The following VCPIP1 variants were observed in gnomAD, a reference collection of about 807,000 sequenced individuals.
The protein encoded by VCPIP1 is valosin containing protein interacting protein 1, also known as deubiquitinating protein VCPIP1.
VCPIP1 carries 8 observed loss-of-function variants against 85.0 expected under a neutral mutation model. That is an observed-to-expected ratio of 0.09 (90% CI 0.06 to 0.17). VCPIP1 has a LOEUF of 0.17. VCPIP1 is among the 10% of genes least tolerant of loss of function. The pLI is 1.00. For synonymous variants in VCPIP1, 543 were observed against 544.5 expected, an observed-to-expected ratio of 1.00 and a Z score of 0.04; for missense variants, 1,070 against 1,486.3, an observed-to-expected ratio of 0.72 and a Z score of 4.61.
Position 66,665,876 on chromosome 8 carries a change from T to G in VCPIP1, c.1083A>C (p.Ile361=). ...GRNHYIPLVG[I]KGAALPKLPM... ...GCAGTTTGGGCAAAGCAGCCCCTTT[T>G]ATGCCTACCAAGGGGATATAATGGT... Residue 361 remains isoleucine, a synonymous_variant, in exon 1 of 3, where the codon ATA becomes ATC. Transcript: ENST00000310421. The surrounding 1 kb of genome is among the most constrained non-coding windows in gnomAD (Gnocchi z 4.3). 1 of 1,614,196 alleles carries G rather than the reference T, an allele frequency of 6.2e-7. No homozygotes were observed. Among genetic ancestry groups the G allele is most frequent in the Middle Eastern group, 1.6e-4 (1 of 6,062 alleles).
chr8:66,644,317 A>G (rs191862825), intron 2 of VCPIP1, among the ~76,000 whole-genome samples: 32 of 152,340 alleles, frequency 2.1e-4, no homozygotes, highest in African/African-American at 7.5e-4. Flanking sequence ...CCTGAACACA[A>G]TCACAAAAAC....
intron 2 of VCPIP1, among the ~76,000 whole-genome samples, chr8:66,638,970 C>CTCTATATATATATATATATATATATATA: frequency 8.4e-6 from 1 of 118,440 alleles, no homozygotes; most frequent in South Asian, 2.8e-4. Context: ...CTCTCTCTCT[C>CTCTATATATATATATATATATATATATA]TATATATATA....
intron 1 of VCPIP1, among the ~76,000 whole-genome samples, chr8:66,662,175 C>T (rs139019154): frequency 1.0e-3 from 153 of 152,214 alleles, no homozygotes; most frequent in African/African-American, 3.3e-3. Flanking sequence ...TGCACTGTCA[C>T]CTGTACATCA....
At position 66,665,027 on chromosome 8, in the gene VCPIP1, A is replaced by C; in HGVS notation, c.1932T>G (p.Val644=). ...FPGEFGSEIL[V]QKVVHTILHQ... is the part of the protein sequence containing the mutation. ...GCAATATAGTGTGGACAACTTTCTG[A>C]ACTAGGATTTCACTCCCAAATTCAC... The change falls in exon 1 of 3, where the codon GTT becomes GTG. Residue 644 remains valine, a synonymous_variant. Transcript: ENST00000310421. The surrounding 1 kb of genome is among the most constrained non-coding windows in gnomAD (Gnocchi z 4.3). 1 of 1,613,886 alleles carries C rather than the reference A, an allele frequency of 6.2e-7. No individual in the cohort carries two copies. The highest frequency in any genetic ancestry group is 8.5e-7 in the Non-Finnish European group (1 of 1,179,844).
At chr8:66,636,461 T>C (rs944458645) in intron 2 of VCPIP1, among the ~76,000 whole-genome samples, 5 of 151,706 alleles carry the variant, frequency 3.3e-5, no homozygotes, top group African/African-American at 1.2e-4. Flanking sequence ...TTTAGATAAA[T>C]AGGCCCGGCA....
Position 66,666,826 on chromosome 8 carries a change from G to C in VCPIP1, c.133C>G (p.Leu45Val), listed in dbSNP as rs768978996. The change falls in exon 1 of 3, where the codon CTT (leucine) becomes GTT (valine). Residue 45 changes from leucine to valine, a missense_variant. Leu to Val is a conservative substitution (Grantham distance 32). Coordinates refer to ENST00000310421, the MANE Select transcript of VCPIP1 (RefSeq NM_025054.5). The surrounding 1 kb of genome is among the most constrained non-coding windows in gnomAD (Gnocchi z 6.3). ...GLLKRRDRRILSGSCPDPKCQ... is the reference protein window; with the variant it reads ...GLLKRRDRRIVSGSCPDPKCQ... ...TTCGGATCCGGGCAGCTCCCGGAAA[G>C]GATTCTCCGGTCTCTCCGCTTCAAA... The C allele has an allele frequency of 6.2e-7, 1 of 1,613,778 alleles. No individual in the cohort carries two copies. Among genetic ancestry groups the C allele is most frequent in the Non-Finnish European group, 8.5e-7 (1 of 1,180,014 alleles).
chr8:66,638,837 T>C (rs548286516), intron 2 of VCPIP1, among the ~76,000 whole-genome samples: 45 of 152,224 alleles, frequency 3.0e-4, no homozygotes, highest in Admixed American at 1.3e-3. Context: ...ATTCCATTTT[T>C]ATAAAGTTCA....
rs1373512398 is a variant in VCPIP1 at position 66,666,385 on chromosome 8, G to A, written c.574C>T (p.His192Tyr). 6.2e-7 allele frequency: 1 copy of A among 1,613,994 alleles called. No individual in the cohort carries two copies. The highest frequency in any genetic ancestry group is 8.5e-7 in the Non-Finnish European group (1 of 1,180,030). Reference sequence around the variant, plus strand: ...CGCTTAATGTCCTCCAGAGTGTCATGCAAATACAGGAGGCTTCCGGAGCGG... The same window carrying A: ...CGCTTAATGTCCTCCAGAGTGTCATACAAATACAGGAGGCTTCCGGAGCGG... ...KDRSGSLLYL[H>Y]DTLEDIKRAN... The change falls in exon 1 of 3, where the codon CAT (histidine) becomes TAT (tyrosine). Residue 192 changes from histidine (H) to tyrosine (Y), a missense_variant. His to Tyr is a moderately conservative substitution (Grantham distance 83). Coordinates refer to ENST00000310421, the MANE Select transcript of VCPIP1 (RefSeq NM_025054.5). The surrounding 1 kb of genome is among the most constrained non-coding windows in gnomAD (Gnocchi z 6.3).
intron 2 of VCPIP1, among the ~76,000 whole-genome samples, chr8:66,642,815 T>A (rs1290962824): frequency 1.3e-5 from 2 of 150,726 alleles, no homozygotes; most frequent in Admixed American, 6.6e-5. Flanking sequence ...TTCAACCCCC[T>A]CCCACACACA....
rs1367447482 is a variant in VCPIP1, at chr8:66,634,594, T to G, written c.3576A>C (p.Lys1192Asn). The change falls in exon 3 of 3, where the codon AAA becomes AAC. Residue 1192 changes from lysine (K) to asparagine (N), a missense_variant. By Grantham distance (94) the Lys-to-Asn change is moderately conservative. Transcript: ENST00000310421. ...ALGAAFATRS[K>N]AQRGNSVEEL... ...CCTCCACGGAATTTCCCCTTTGTGC[T>G]TTTGACCTTGTGGCAAAGGCTGCTC... The G allele has an allele frequency of 1.9e-6, 3 of 1,614,098 alleles. No homozygotes were observed. Among genetic ancestry groups the G allele is most frequent in the Admixed American group, 1.7e-5 (1 of 60,008 alleles).
chr8:66,631,935 C>G lies in VCPIP1; in HGVS notation c.*2566G>C, dbSNP rs560882135. 3.3e-5 allele frequency: 5 copies of G among 152,414 alleles called. No homozygotes were observed. The highest frequency in any genetic ancestry group is 1.2e-4 in the African/African-American group (5 of 41,500). The allele number at this position is 152,414 out of a possible 1,614,324, so 9.4% of individuals were successfully genotyped here. A position where few individuals can be genotyped will look rare whatever the true frequency, so the allele number is the denominator to read the frequency against. Reference sequence around the variant, plus strand: ...CACTACCTGGACTTTAGGTCATCAACTTAAATTTGGTATGATTAACTATAA... The same window carrying G: ...CACTACCTGGACTTTAGGTCATCAAGTTAAATTTGGTATGATTAACTATAA... On this transcript the variant is annotated 3_prime_UTR_variant, in exon 3 of 3. Coordinates refer to ENST00000310421, the MANE Select transcript of VCPIP1 (RefSeq NM_025054.5).
intron 2 of VCPIP1, among the ~76,000 whole-genome samples, chr8:66,639,429 ACTGCAGCCTC>A (rs1239505730): frequency 1.5e-5 from 2 of 129,986 alleles, no homozygotes; most frequent in African/African-American, 6.0e-5. Flanking sequence ...ATCTCGGCTC[ACTGCAGCCTC>A]CTCCTCCCAG....
chr8:66,657,048 G>C (rs1811107717), intron 1 of VCPIP1, among the ~76,000 whole-genome samples: 1 of 151,990 alleles, frequency 6.6e-6, no homozygotes, highest in African/African-American at 2.4e-5. Context: ...TGGGATTACA[G>C]GTGTGCGCCA....
chr8:66,651,780 A>C (rs1223566687), intron 1 of VCPIP1, among the ~76,000 whole-genome samples: 1 of 152,182 alleles, frequency 6.6e-6, no homozygotes, highest in African/African-American at 2.4e-5. Context: ...GTGCACGCCT[A>C]GTGTCTCAAG....
intron 2 of VCPIP1, among the ~76,000 whole-genome samples, chr8:66,637,709 C>A (rs1160247350): frequency 6.6e-6 from 1 of 152,110 alleles, no homozygotes; most frequent in Non-Finnish European, 1.5e-5. Flanking sequence ...GTGGCTCACA[C>A]CTGTAATCCC....
intron 1 of VCPIP1, among the ~76,000 whole-genome samples, chr8:66,659,509 G>C (rs192398877): frequency 1.3e-5 from 2 of 152,196 alleles, no homozygotes; most frequent in Admixed American, 1.3e-4. Flanking sequence ...CTTGTACTAA[G>C]CCAAAGACTA....
chr8:66,629,195 C>G lies in VCPIP1; in HGVS notation c.*5306G>C, dbSNP rs1810809442. 1 of 152,122 alleles carries G rather than the reference C, an allele frequency of 6.6e-6. No individual in the cohort carries two copies. The highest frequency in any genetic ancestry group is 1.5e-5 in the Non-Finnish European group (1 of 68,022). The allele number at this position is 152,122 out of a possible 1,614,324, so 9.4% of individuals were successfully genotyped here. ...TACGTGTTAACTCATTTAAGACAGC[C>G]ACCCTGGGAGCAGATGTGATCATCA... On this transcript the variant is annotated 3_prime_UTR_variant, in exon 3 of 3. Coordinates refer to ENST00000310421, the MANE Select transcript of VCPIP1 (RefSeq NM_025054.5).
chr8:66,651,419 T>A, intron 2 of VCPIP1, 39 bp downstream of exon 2: 1 of 1,448,380 alleles, frequency 6.9e-7, no homozygotes, highest in Non-Finnish European at 9.5e-7. Context: ...ACAGCTTCAG[T>A]AGAGCTATTA....
At position 66,666,429 on chromosome 8, in the gene VCPIP1, G is replaced by A. The variant is rs749655435; in HGVS notation, c.530C>T (p.Thr177Ile). ...AFLIEPEHVN[T>I]VGYGKDRSGS... is the part of the protein sequence containing the mutation. ...GGAGCGGTCCTTGCCATAGCCCACAGTGTTAACATGCTCTGGTTCTATGAG... is the reference window on the plus strand; with the variant it reads ...GGAGCGGTCCTTGCCATAGCCCACAATGTTAACATGCTCTGGTTCTATGAG... Residue 177 changes from threonine (T) to isoleucine (I), a missense_variant, in exon 1 of 3, where the codon ACT (threonine) becomes ATT (isoleucine). This residue lies in a region of VCPIP1 where 118 missense variants were observed against 337.1 expected (regional missense o/e 0.35). Transcript: ENST00000310421. This position sits in a 1 kb window ranked among gnomAD's most constrained non-coding sequence, Gnocchi z 6.3. 1.2e-6 allele frequency: 2 copies of A among 1,614,180 alleles called. No homozygotes were observed. The highest frequency in any genetic ancestry group is 2.2e-5 in the South Asian group (2 of 91,088).
Sources: gnomAD v4.1 joint callset for allele counts (sites outside exome capture counted in the v4.1 genomes callset) on GRCh38, gnomAD v4.1.1 for gene constraint, gnomAD v4.1.1 regional missense constraint, Gnocchi (gnomAD v3.1) non-coding constraint, MANE v1.5 for transcripts, NCBI Gene and HGNC (gene_info 2026-07-23, HGNC 2026-07-21) for gene names.